TRAPPC14: variants seen among roughly 807,000 people sequenced by gnomAD.
The protein encoded by TRAPPC14 is trafficking protein particle complex subunit 14, also known as microtubule associated protein 11.
A neutral mutation model predicts 56.6 loss-of-function variants in TRAPPC14; 24 were observed. The ratio of observed to expected loss-of-function variants is 0.42; its 90% CI spans 0.31 to 0.60. The LOEUF is 0.60. Ranked by LOEUF, TRAPPC14 falls within the 20% of genes least tolerant of loss-of-function variation. TRAPPC14 has a pLI of 0.14. For missense variants in TRAPPC14, 615 were observed against 790.3 expected, an observed-to-expected ratio of 0.78 and a Z score of 2.66; for synonymous variants, 377 against 347.0, an observed-to-expected ratio of 1.09 and a Z score of -0.96.
rs767580077 is a variant in TRAPPC14 at position 100,157,768 on chromosome 7, A to G, written c.508-6T>C. On this transcript the variant is annotated splice_polypyrimidine_tract_variant and splice_region_variant and intron_variant, in intron 2 of 10. Transcript: ENST00000316937. ...TTCCACACAGTCACTACAATCTGTC[A>G]AGAGGAAAGACAGATGGCTGAGCCC... The G allele has an allele frequency of 1.2e-6, 2 of 1,614,208 alleles. No individual in the cohort carries two copies. The highest frequency in any genetic ancestry group is 1.7e-6 in the Non-Finnish European group (2 of 1,180,034).
At position 100,157,390 on chromosome 7, in the gene TRAPPC14, T is replaced by A; in HGVS notation, c.707A>T (p.His236Leu). 1 of 1,614,048 alleles carries A rather than the reference T, an allele frequency of 6.2e-7. No individual in the cohort carries two copies. The highest frequency in any genetic ancestry group is 8.5e-7 in the Non-Finnish European group (1 of 1,180,002). The stretch of plus-strand genomic sequence containing the variant: ...CTGCTTACCCTTGAGCACGGTCAAG[T>A]GTTTTCCAGCCACAGTGAACTGCCG... Reference protein sequence around the residue: ...RCRQFTVAGKHLTVLKVLNSS... With the variant: ...RCRQFTVAGKLLTVLKVLNSS... Residue 236 changes from histidine to leucine, a missense_variant, in exon 4 of 11, where the codon CAC becomes CTC. Transcript: ENST00000316937.
In TRAPPC14 at chr7:100,156,513, C is replaced by G; in HGVS notation, c.1113G>C (p.Val371=). The G allele has an allele frequency of 9.3e-6, 15 of 1,614,168 alleles. No individual in the cohort carries two copies. Among genetic ancestry groups the G allele is most frequent in the Non-Finnish European group, 1.3e-5 (15 of 1,180,024 alleles). Residue 371 remains valine (V), a synonymous_variant, in exon 8 of 11, where the codon GTG becomes GTC. Transcript: ENST00000316937. Reference sequence around the variant, plus strand: ...CAGGGGACTTACAAGAAGCGGTCATCACAAAACACGGGCGGTCCAAGCGGA... The same window carrying G: ...CAGGGGACTTACAAGAAGCGGTCATGACAAAACACGGGCGGTCCAAGCGGA... The part of the protein sequence containing the change: ...PSVRLDRPCF[V]MTASCKSPVR...
Position 100,155,638 on chromosome 7 carries a change from C to T in TRAPPC14, c.1395+33G>A, listed in dbSNP as rs145894341. On this transcript the variant is annotated intron_variant, in intron 9 of 10. Transcript: ENST00000316937. The stretch of plus-strand genomic sequence containing the variant: ...CCGTCCACCCCAGCATTCTGCATCA[C>T]TCAGCACTCAGCCCAGACCCTCCCC... 6.2e-3 allele frequency: 9,648 copies of T among 1,566,212 alleles called. 26 individuals are homozygous for T. The highest frequency in any genetic ancestry group is 7.4e-3 in the Non-Finnish European group (8,600 of 1,155,596).
In TRAPPC14 at chr7:100,157,943, G is replaced by T; in HGVS notation, c.412-5C>A. 1 of 1,535,394 alleles carries T rather than the reference G, an allele frequency of 6.5e-7. No individual in the cohort carries two copies. The highest frequency in any genetic ancestry group is 1.3e-5 in the South Asian group (1 of 78,792). On this transcript the variant is annotated splice_polypyrimidine_tract_variant and splice_region_variant and intron_variant, in intron 1 of 10. Transcript: ENST00000316937. ...AATCGGTTCCTCCACAGGCAGCTGG[G>T]GTTGGGAAAGGGGTGAAGAGGTCAG...
At position 100,157,467 on chromosome 7, in the gene TRAPPC14, A is replaced by G; in HGVS notation, c.638-8T>C. On this transcript the variant is annotated splice_polypyrimidine_tract_variant and splice_region_variant and intron_variant, in intron 3 of 10. Coordinates refer to ENST00000316937, the MANE Select transcript of TRAPPC14 (RefSeq NM_018275.5). ...GAGTCAGCAGCGTGCTCACTGCGGG[A>G]GGGGGTGGGGGCAAGAAGTGATGGT... 6.2e-7 allele frequency: 1 copy of G among 1,607,512 alleles called. No homozygotes were observed. The highest frequency in any genetic ancestry group is 8.5e-7 in the Non-Finnish European group (1 of 1,175,352).
Position 100,157,121 on chromosome 7 carries a change from C to A in TRAPPC14, c.818G>T (p.Gly273Val). ...GACATTGTCCACCAGCAGCACAGAGCCATCGGGCATGACAGGTAGATAACT... is the reference window on the plus strand; with the variant it reads ...GACATTGTCCACCAGCAGCACAGAGACATCGGGCATGACAGGTAGATAACT... ...NASYLPVMPDGSVLLVDNVCH... is the reference protein window; with the variant it reads ...NASYLPVMPDVSVLLVDNVCH... Residue 273 changes from glycine (G) to valine (V), a missense_variant, in exon 5 of 11, where the codon GGC becomes GTC. Gly to Val is a moderately radical substitution (Grantham distance 109). Coordinates refer to ENST00000316937, the MANE Select transcript of TRAPPC14 (RefSeq NM_018275.5). The A allele has an allele frequency of 6.2e-7, 1 of 1,614,204 alleles. No homozygotes were observed. Among genetic ancestry groups the A allele is most frequent in the Non-Finnish European group, 8.5e-7 (1 of 1,180,040 alleles).
intron 8 of TRAPPC14, chr7:100,156,173 C>T: frequency 1.6e-6 from 1 of 612,220 alleles, no homozygotes; most frequent in Non-Finnish European, 2.9e-6. Context: ...GTGTCTATGC[C>T]CTGAAAGTCA....
In TRAPPC14 at chr7:100,156,692, C is replaced by A; in HGVS notation, c.1018G>T (p.Val340Leu). 6.2e-7 allele frequency: 1 copy of A among 1,612,426 alleles called. No homozygotes were observed. Among genetic ancestry groups the A allele is most frequent in the Non-Finnish European group, 8.5e-7 (1 of 1,179,144 alleles). ...AGCTTTGGGGTAGACCACTGAACCA[C>A]AGCAATCAGGGGAACTTCCAGGCCC... ...KEGLEVPLIAVVQWSTPKLPF... is the reference protein window; with the variant it reads ...KEGLEVPLIALVQWSTPKLPF... The change falls in exon 7 of 11, where the codon GTG (valine) becomes TTG (leucine). Residue 340 changes from valine to leucine, a missense_variant. Val to Leu is a conservative substitution (Grantham distance 32). Coordinates refer to ENST00000316937, the MANE Select transcript of TRAPPC14 (RefSeq NM_018275.5).
At position 100,156,731 on chromosome 7, in the gene TRAPPC14, A is replaced by G; in HGVS notation, c.994-15T>C. The G allele has an allele frequency of 6.2e-7, 1 of 1,607,236 alleles. No homozygotes were observed. Among genetic ancestry groups the G allele is most frequent in the South Asian group, 1.1e-5 (1 of 89,976 alleles). The stretch of plus-strand genomic sequence containing the variant: ...ACTTCCAGGCCCTGCAGGAGGGACA[A>G]AGGGGGTTGGCACAGGTATTAAGAG... On this transcript the variant is annotated splice_polypyrimidine_tract_variant and intron_variant, in intron 6 of 10. Coordinates refer to ENST00000316937, the MANE Select transcript of TRAPPC14 (RefSeq NM_018275.5).
chr7:100,154,688 A>C lies in TRAPPC14; in HGVS notation c.*323T>G. 1.4e-5 allele frequency: 5 copies of C among 368,642 alleles called. No individual in the cohort carries two copies. Among genetic ancestry groups the C allele is most frequent in the Non-Finnish European group, 1.5e-5 (3 of 198,334 alleles). 22.8% of individuals were successfully genotyped at this position (368,642 alleles called of 1,614,324 possible). On this transcript the variant is annotated 3_prime_UTR_variant, in exon 11 of 11. Transcript: ENST00000316937. Reference sequence around the variant, plus strand: ...AGAGGTGGGAAAGAACTCAACGGGAATGAGGAAGAGACTTTGTAAACTCAG... The same window carrying C: ...AGAGGTGGGAAAGAACTCAACGGGACTGAGGAAGAGACTTTGTAAACTCAG...
rs1220463866 is a variant in TRAPPC14, at chr7:100,155,752, G to A, written c.1314C>T (p.Leu438=). The A allele has an allele frequency of 9.3e-6, 15 of 1,614,112 alleles. No homozygotes were observed. Among genetic ancestry groups the A allele is most frequent in the Non-Finnish European group, 1.0e-5 (12 of 1,180,042 alleles). The change falls in exon 9 of 11, where the codon CTC becomes CTT. Residue 438 remains leucine, a synonymous_variant. Transcript: ENST00000316937. ...ALDSVVCHTP[L]NNLGFSRKGS... ...CCTTCCGGGAAAAGCCAAGGTTGTT[G>A]AGGGGCGTGTGGCAGACGACGGAGT...
Position 100,156,394 on chromosome 7 carries a change from G to T in TRAPPC14, c.1232C>A (p.Ala411Glu). The change falls in exon 8 of 11, where the codon GCA (alanine) becomes GAA (glutamate). Residue 411 changes from alanine (A) to glutamate (E), a missense_variant. Physicochemically the swap from Ala to Glu is moderately radical, Grantham distance 107 (BLOSUM62 -1). Coordinates refer to ENST00000316937, the MANE Select transcript of TRAPPC14 (RefSeq NM_018275.5). ...CCTGGCAGCTGACCTACCAGCCTGT[G>T]CATGCTCTGGGGTCCACACGAGCCT... ...AVRLVWTPEH[A>E]QAGKQLCEEE... The T allele has an allele frequency of 3.1e-6, 5 of 1,614,058 alleles. No individual in the cohort carries two copies. The highest frequency in any genetic ancestry group is 4.2e-6 in the Non-Finnish European group (5 of 1,179,958).
chr7:100,156,000 G>A (rs776949234), intron 8 of TRAPPC14, 175 bp from the exon 9 acceptor site: 58 of 849,412 alleles, frequency 6.8e-5, no homozygotes, highest in South Asian at 5.0e-4. Context: ...TGCAAGGCAC[G>A]TCACGTATAT....
chr7:100,156,492 G>C lies in TRAPPC14; in HGVS notation c.1134C>G (p.Ser378=). 6.2e-7 allele frequency: 1 copy of C among 1,614,144 alleles called. No homozygotes were observed. The highest frequency in any genetic ancestry group is 1.1e-5 in the South Asian group (1 of 91,082). ...TGAAACGCTCGTAGGTCCGAACAGGGGACTTACAAGAAGCGGTCATCACAA... is the reference window on the plus strand; with the variant it reads ...TGAAACGCTCGTAGGTCCGAACAGGCGACTTACAAGAAGCGGTCATCACAA... ...PCFVMTASCK[S]PVRTYERFTV... is the part of the protein sequence containing the mutation. Residue 378 remains serine (S), a synonymous_variant, in exon 8 of 11, where the codon TCC becomes TCG. Transcript: ENST00000316937.
chr7:100,156,714 GC>G lies in TRAPPC14; in HGVS notation c.995del (p.Gly332AlafsTer6). The G allele has an allele frequency of 6.2e-7, 1 of 1,610,716 alleles. No individual in the cohort carries two copies. The highest frequency in any genetic ancestry group is 8.5e-7 in the Non-Finnish European group (1 of 1,178,252). On this transcript the variant is annotated frameshift_variant and splice_region_variant, in exon 7 of 11. Coordinates refer to ENST00000316937, the MANE Select transcript of TRAPPC14 (RefSeq NM_018275.5). LOFTEE classifies it high-confidence loss of function. Reference protein sequence around the residue: ...GEQPPPGAKEGLEVPLIAVVQ... With the variant: ...GEQPPPGAKEXLEVPLIAVVQ... ...CCACAGCAATCAGGGGAACTTCCAG[GC>G]CCTGCAGGAGGGACAAAGGGGGTTG...
At chr7:100,156,599 G>A (rs1368907037) in intron 7 of TRAPPC14, 35 bp downstream of exon 7, 10 of 1,611,666 alleles carry the variant, frequency 6.2e-6, no homozygotes, top group Admixed American at 5.0e-5. Context: ...GGCCACAAAG[G>A]CGAACGCCAC....
Position 100,158,439 on chromosome 7 carries a change from C to G in TRAPPC14, c.61G>C (p.Glu21Gln). ...FPAVPLPPRAELAGDPGRYRA... is the reference protein window; with the variant it reads ...FPAVPLPPRAQLAGDPGRYRA... ...TACCGGCCCGGATCCCCTGCCAGCT[C>G]CGCGCGCGGCGGCAGCGGCACGGCC... is the stretch of plus-strand genomic sequence containing the variant. The change falls in exon 1 of 11, where the codon GAG becomes CAG. Residue 21 changes from glutamate (E) to glutamine (Q), a missense_variant. Transcript: ENST00000316937. 7.1e-7 allele frequency: 1 copy of G among 1,403,554 alleles called. No homozygotes were observed. The highest frequency in any genetic ancestry group is 9.3e-7 in the Non-Finnish European group (1 of 1,080,884). The allele number at this position is 1,403,554 out of a possible 1,614,324, so 86.9% of individuals were successfully genotyped here.
At position 100,157,705 on chromosome 7, in the gene TRAPPC14, A is replaced by G. The variant is rs746937424; in HGVS notation, c.565T>C (p.Tyr189His). Residue 189 changes from tyrosine to histidine, a missense_variant, in exon 3 of 11, where the codon TAC becomes CAC. Tyr to His is a moderately conservative substitution (Grantham distance 83). Coordinates refer to ENST00000316937, the MANE Select transcript of TRAPPC14 (RefSeq NM_018275.5). The part of the protein sequence containing the change: ...IEAPEVRDQG[Y>H]LRLLQTRSPG... Reference sequence around the variant, plus strand: ...GATCGGGTCTGCAGCAATCGCAGGTAGCCTTGATCTCTGACCTCTGGTGCC... The same window carrying G: ...GATCGGGTCTGCAGCAATCGCAGGTGGCCTTGATCTCTGACCTCTGGTGCC... 2 of 1,614,234 alleles carry G rather than the reference A, an allele frequency of 1.2e-6. No individual in the cohort carries two copies. The highest frequency in any genetic ancestry group is 2.2e-5 in the East Asian group (1 of 44,890).
At position 100,157,226 on chromosome 7, in the gene TRAPPC14, G is replaced by T; in HGVS notation, c.725-12C>A. 1 of 1,614,062 alleles carries T rather than the reference G, an allele frequency of 6.2e-7. No individual in the cohort carries two copies. Among genetic ancestry groups the T allele is most frequent in the South Asian group, 1.1e-5 (1 of 91,012 alleles). On this transcript the variant is annotated splice_polypyrimidine_tract_variant and intron_variant, in intron 4 of 10. Transcript: ENST00000316937. ...GGAGCTGTTCAGCACTGTGGGAGAG[G>T]ACCAGCTTGGCTCAGAATAGCTGGA...
Sources: gnomAD v4.1 joint callset for allele counts on GRCh38, gnomAD v4.1.1 for gene constraint, MANE v1.5 for transcripts, NCBI Gene and HGNC (gene_info 2026-07-23, HGNC 2026-07-21) for gene names.